Variants in NT5C2 observed in about 807,000 individuals in gnomAD.
The protein encoded by NT5C2 is 5'-nucleotidase, cytosolic II.
Under a neutral mutation model 76.1 loss-of-function variants are expected in NT5C2, and 58 were observed. The ratio of observed to expected loss-of-function variants is 0.76; its 90% CI spans 0.62 to 0.95. The LOEUF is 0.95. NT5C2 is among the 40% of genes least tolerant of loss of function. The pLI is 0.00. For missense variants in NT5C2, 478 were observed against 690.3 expected, an observed-to-expected ratio of 0.69 and a Z score of 3.45; for synonymous variants, 229 against 237.4, an observed-to-expected ratio of 0.96 and a Z score of 0.32.
intron 4 of NT5C2, among the ~76,000 whole-genome samples, chr10:103,115,910 G>A (rs1445018554): frequency 6.6e-6 from 1 of 152,054 alleles, no homozygotes. Context: ...CTACAAGTAA[G>A]ATAATGCACT....
chr10:103,105,068 T>C (rs1212460288), intron 6 of NT5C2, among the ~76,000 whole-genome samples: 1 of 152,142 alleles, frequency 6.6e-6, no homozygotes, highest in Non-Finnish European at 1.5e-5. Flanking sequence ...CACAAAAAAA[T>C]AGTAGATACT....
chr10:103,134,520 T>C (rs972184508), intron 4 of NT5C2, among the ~76,000 whole-genome samples: 1 of 152,122 alleles, frequency 6.6e-6, no homozygotes, highest in African/African-American at 2.4e-5. Context: ...AGAGGATGTA[T>C]GGAAATGCCT....
intron 1 of NT5C2, among the ~76,000 whole-genome samples, chr10:103,186,387 G>A (rs1185892722): frequency 6.6e-6 from 1 of 152,222 alleles, no homozygotes; most frequent in African/African-American, 2.4e-5. Flanking sequence ...GCAGGAATGA[G>A]TAATAGGCTT....
chr10:103,141,753 G>A (rs1272955591), intron 3 of NT5C2, among the ~76,000 whole-genome samples: 1 of 152,110 alleles, frequency 6.6e-6, no homozygotes, highest in African/African-American at 2.4e-5. Flanking sequence ...TAAATAAATA[G>A]CTACTGTCTA....
intron 4 of NT5C2, among the ~76,000 whole-genome samples, chr10:103,127,324 A>G (rs888812151): frequency 3.3e-5 from 5 of 152,224 alleles, no homozygotes; most frequent in African/African-American, 1.2e-4. Flanking sequence ...AGATTTTTGC[A>G]TATTTTGTTC....
chr10:103,091,903 A>G (rs2067010486), intron 15 of NT5C2, among the ~76,000 whole-genome samples: 1 of 152,216 alleles, frequency 6.6e-6, no homozygotes, highest in Admixed American at 6.5e-5. Flanking sequence ...CTGAGCTTGT[A>G]AAGTACCAGA....
intron 16 of NT5C2, 26 bp downstream of exon 16, chr10:103,091,538 G>A: frequency 6.3e-7 from 1 of 1,580,080 alleles, no homozygotes; most frequent in Non-Finnish European, 8.7e-7. Flanking sequence ...GTAAGTTTTT[G>A]GGAAAGAAAT....
chr10:103,131,997 T>C (rs745491152), intron 4 of NT5C2, among the ~76,000 whole-genome samples: 4 of 151,880 alleles, frequency 2.6e-5, no homozygotes, highest in Non-Finnish European at 5.9e-5. Context: ...TCCCAGCACT[T>C]TGGGAGGCTG....
chr10:103,136,552 C>T lies in NT5C2; in HGVS notation c.175+2854G>A, dbSNP rs1002788612. Among the ~76,000 whole-genome samples the T allele has an allele frequency of 3.3e-5, 5 of 151,366 alleles. No homozygotes were observed. The South Asian group carries it at 8.4e-4, about 25-fold the overall frequency. On this transcript the variant is annotated intron_variant, in intron 4 of 18. Transcript: ENST00000404739. Reference sequence around the variant, plus strand: ...TAGACTAGGAGAAAGCATTAAAATACGAAGTGGCATTGCAAAAAACAAAAA... The same window carrying T: ...TAGACTAGGAGAAAGCATTAAAATATGAAGTGGCATTGCAAAAAACAAAAA...
At chr10:103,174,811 C>A in intron 3 of NT5C2, 47 bp downstream of exon 3, 1 of 1,202,590 alleles carries the variant, frequency 8.3e-7, no homozygotes, top group South Asian at 1.2e-5. Context: ...AAAATGAAGT[C>A]CCACTTCATA....
chr10:103,120,886 G>A (rs1447487918), intron 4 of NT5C2, among the ~76,000 whole-genome samples: 1 of 152,130 alleles, frequency 6.6e-6, no homozygotes, highest in African/African-American at 2.4e-5. Flanking sequence ...CCAAAAGGTG[G>A]AGACAATCCC....
rs920989535 is a variant in NT5C2, at chr10:103,122,853, C to T, written c.176-16147G>A. ...GTTTATCACCATTAGATCATACCCC[C>T]TTTTGTCCAACCATACTTCTCTACA... On this transcript the variant is annotated intron_variant, in intron 4 of 18. Coordinates refer to ENST00000404739, the MANE Select transcript of NT5C2 (RefSeq NM_001351169.2). 2.0e-5 allele frequency among the ~76,000 whole-genome samples: 3 copies of T among 152,166 alleles called. No homozygotes were observed. The East Asian group carries it at 5.8e-4, about 29-fold the overall frequency.
intron 4 of NT5C2, among the ~76,000 whole-genome samples, chr10:103,117,546 T>C (rs1034048919): frequency 1.3e-5 from 2 of 152,110 alleles, no homozygotes; most frequent in African/African-American, 4.8e-5. Flanking sequence ...ATTCAGGAGT[T>C]TGAGGTAAGA....
At chr10:103,091,524 CTGAG>C (rs753084279) in intron 16 of NT5C2, 36 bp downstream of exon 16, 2 of 1,468,540 alleles carry the variant, frequency 1.4e-6, no homozygotes, top group South Asian at 1.2e-5. Flanking sequence ...TAAGTGATTC[CTGAG>C]TAAGTTTTTG....
chr10:103,154,237 C>T (rs910726275), intron 3 of NT5C2, among the ~76,000 whole-genome samples: 2 of 152,032 alleles, frequency 1.3e-5, no homozygotes, highest in Admixed American at 6.6e-5. Flanking sequence ...AATACATATA[C>T]CTTAAAGAAC....
chr10:103,113,079 G>C (rs1755590681), intron 4 of NT5C2, among the ~76,000 whole-genome samples: 2 of 152,020 alleles, frequency 1.3e-5, no homozygotes, highest in Admixed American at 6.6e-5. Flanking sequence ...AATTTTCAAA[G>C]CAAATTTCCT....
chr10:103,190,711 T>C lies in NT5C2; in HGVS notation c.-169+2525A>G, dbSNP rs181753185. On this transcript the variant is annotated intron_variant, in intron 1 of 18. Coordinates refer to ENST00000404739, the MANE Select transcript of NT5C2 (RefSeq NM_001351169.2). ...ATGCAATGTCTCCTGGCTGAAAGTA[T>C]GACTGCCTTTACTGCTCACGTCACT... Among the ~76,000 whole-genome samples the C allele has an allele frequency of 1.2e-4, 19 of 152,054 alleles. No homozygotes were observed. The East Asian group carries it at 2.1e-3, about 17-fold the overall frequency.
At chr10:103,168,058 AG>A (rs2086850079) in intron 3 of NT5C2, among the ~76,000 whole-genome samples, 1 of 152,144 alleles carries the variant, frequency 6.6e-6, no homozygotes, top group South Asian at 2.1e-4. Flanking sequence ...ATTATTCAAC[AG>A]ATTTATATAA....
rs1224789916 is a variant in NT5C2, at chr10:103,105,739, AAG to A, written c.354_355del (p.Leu119GlyfsTer7). The A allele has an allele frequency of 6.2e-7, 1 of 1,613,420 alleles. No homozygotes were observed. Among genetic ancestry groups the A allele is most frequent in the Non-Finnish European group, 8.5e-7 (1 of 1,179,488 alleles). The stretch of plus-strand genomic sequence containing the variant: ...AAAGTTAAATCCATGTGCACAGACC[AAG>A]AGGTTTCCATAGGCATCGACTTTCA... On this transcript the variant is annotated frameshift_variant, in exon 6 of 19. Coordinates refer to ENST00000404739, the MANE Select transcript of NT5C2 (RefSeq NM_001351169.2). LOFTEE classifies it high-confidence loss of function.
Sources: allele counts gnomAD v4.1 joint callset (sites outside exome capture counted in the v4.1 genomes callset), GRCh38; gene constraint gnomAD v4.1.1; transcripts MANE v1.5; gene names NCBI Gene and HGNC (gene_info 2026-07-23, HGNC 2026-07-21).